FAM118B: variants seen among roughly 807,000 people sequenced by gnomAD.
FAM118B encodes the protein protein FAM118B.
A neutral mutation model predicts 38.5 loss-of-function variants in FAM118B; 24 were observed. The observed-to-expected ratio is 0.62, with a 90% CI of 0.45 to 0.88. FAM118B has a LOEUF of 0.88. Among genes scored for constraint, FAM118B ranks in the 40% least tolerant of loss-of-function variants. The pLI, the probability that FAM118B is intolerant of heterozygous loss-of-function variation, is 0.00. For missense variants in FAM118B, 334 were observed against 420.0 expected (o/e 0.80, Z 1.79); for synonymous variants, 138 against 156.3 (o/e 0.88, Z 0.87).
In FAM118B at chr11:126,262,425, A is replaced by C; in HGVS notation, c.*292A>C. On this transcript the variant is annotated 3_prime_UTR_variant, in exon 9 of 9. Transcript: ENST00000533050. ...ATGCTTGTGTCCACACAGCACACCA[A>C]TGTGATACTTCCACTGACCGGCTGC... The C allele has an allele frequency of 2.4e-6, 1 of 424,486 alleles. No homozygotes were observed. 26.3% of individuals were successfully genotyped at this position (424,486 alleles called of 1,614,324 possible).
At position 126,235,012 on chromosome 11, in the gene FAM118B, C is replaced by T; in HGVS notation, c.11C>T (p.Thr4Ile). MASTGSQASDIDEI... is the reference protein window; with the variant it reads MASIGSQASDIDEI... The stretch of plus-strand genomic sequence containing the variant: ...TATTTTAGAAACTGGATGGCTTCTA[C>T]AGGGAGCCAGGCCTCTGATATAGAC... Residue 4 changes from threonine to isoleucine, a missense_variant, in exon 3 of 9, where the codon ACA becomes ATA. This residue lies in a region of FAM118B where 240 missense variants were observed against 295.9 expected (regional missense o/e 0.81). Coordinates refer to ENST00000533050, the MANE Select transcript of FAM118B (RefSeq NM_024556.4). The T allele has an allele frequency of 6.2e-7, 1 of 1,613,812 alleles. No individual in the cohort carries two copies. The highest frequency in any genetic ancestry group is 8.5e-7 in the Non-Finnish European group (1 of 1,179,782).
intron 3 of FAM118B, among the ~76,000 whole-genome samples, chr11:126,240,008 G>A (rs1950334791): frequency 6.6e-6 from 1 of 152,066 alleles, no homozygotes; most frequent in South Asian, 2.1e-4. Context: ...TTTCAGGGGA[G>A]GGGAACATGC....
chr11:126,249,076 T>G (rs1043246082), intron 4 of FAM118B, among the ~76,000 whole-genome samples: 20 of 152,180 alleles, frequency 1.3e-4, no homozygotes, highest in Non-Finnish European at 1.5e-5. Context: ...GTAAGCCGTA[T>G]GTTAAGAAGT....
Position 126,252,189 on chromosome 11 carries a change from G to A in FAM118B, c.567+1456G>A, listed in dbSNP as rs865967084. Among the ~76,000 whole-genome samples, 5 of 151,900 alleles carry A rather than the reference G, an allele frequency of 3.3e-5. No individual in the cohort carries two copies. Among genetic ancestry groups the A allele is most frequent in the Admixed American group, 6.6e-5 (1 of 15,238 alleles). ...TTCAGTAGAGACAGGGTTTCACCAT[G>A]TTGGCCAGGCTGGTCTCGAACTCCT... On this transcript the variant is annotated intron_variant, in intron 5 of 8. Coordinates refer to ENST00000533050, the MANE Select transcript of FAM118B (RefSeq NM_024556.4). This position sits in a 1 kb window ranked among gnomAD's most constrained non-coding sequence, Gnocchi z 4.7.
intron 2 of FAM118B, among the ~76,000 whole-genome samples, chr11:126,232,262 A>G (rs1950215712): frequency 1.3e-5 from 2 of 152,136 alleles, no homozygotes; most frequent in African/African-American, 4.8e-5. Context: ...CTGTTTAGCA[A>G]TAGTGTAGTT....
chr11:126,254,347 C>G lies in FAM118B; in HGVS notation c.610C>G (p.His204Asp), dbSNP rs1387587665. 1 of 1,613,966 alleles carries G rather than the reference C, an allele frequency of 6.2e-7. No individual in the cohort carries two copies. The highest frequency in any genetic ancestry group is 1.7e-5 in the Admixed American group (1 of 60,014). The change falls in exon 6 of 9, where the codon CAT (histidine) becomes GAT (aspartate). Residue 204 changes from histidine to aspartate, a missense_variant. This residue lies in a region of FAM118B where 240 missense variants were observed against 295.9 expected (regional missense o/e 0.81). Coordinates refer to ENST00000533050, the MANE Select transcript of FAM118B (RefSeq NM_024556.4). ...GGAGAAGCGTAAGCTGAGCGTGTTGCATATTCACGGAGTCTACACCAACCC... is the reference window on the plus strand; with the variant it reads ...GGAGAAGCGTAAGCTGAGCGTGTTGGATATTCACGGAGTCTACACCAACCC... ...AQEKRKLSVLHIHGVYTNPSG... is the reference protein window; with the variant it reads ...AQEKRKLSVLDIHGVYTNPSG...
intron 2 of FAM118B, among the ~76,000 whole-genome samples, chr11:126,233,928 A>T (rs1406885616): frequency 6.6e-6 from 1 of 152,142 alleles, no homozygotes; most frequent in Non-Finnish European, 1.5e-5. Flanking sequence ...CAAACAGTAC[A>T]AAATTCCACC....
chr11:126,238,821 C>CTG (rs1432523653), intron 3 of FAM118B, among the ~76,000 whole-genome samples: 1 of 151,888 alleles, frequency 6.6e-6, no homozygotes, highest in East Asian at 1.9e-4. Flanking sequence ...ATGTTGTTGC[C>CTG]CTTTGACCTC....
intron 1 of FAM118B, among the ~76,000 whole-genome samples, chr11:126,221,234 G>A (rs1591502292): frequency 6.6e-6 from 1 of 152,182 alleles, no homozygotes; most frequent in Non-Finnish European, 1.5e-5. Flanking sequence ...AGGAAAAAGA[G>A]AATATCCTGA....
In FAM118B at chr11:126,252,907, CG is replaced by C. The variant is rs1950525227; in HGVS notation, c.568-1397del. On this transcript the variant is annotated intron_variant, in intron 5 of 8. Coordinates refer to ENST00000533050, the MANE Select transcript of FAM118B (RefSeq NM_024556.4). The surrounding 1 kb of genome is among the most constrained non-coding windows in gnomAD (Gnocchi z 4.7). ...AAAACTAGCTGGGAGTGGTGGTGCA[CG>C]CCTGTAATCCCAGTTACTTGGGAGG... 6.6e-6 allele frequency among the ~76,000 whole-genome samples: 1 copy of C among 151,584 alleles called. No homozygotes were observed. The highest frequency in any genetic ancestry group is 2.4e-5 in the African/African-American group (1 of 41,236).
Position 126,240,481 on chromosome 11 carries a change from G to GCTATA in FAM118B, c.87-310_87-306dup, listed in dbSNP as rs139382668. ...AATTTAGTTGGCAGAAGTCAGCTGA[G>GCTATA]CTATAGTCTATTTGGATCTTTTCCT... On this transcript the variant is annotated intron_variant, in intron 3 of 8. Transcript: ENST00000533050. Among the ~76,000 whole-genome samples the GCTATA allele has an allele frequency of 7.1e-3, 1,078 of 152,198 alleles. 12 individuals carry two copies. Among genetic ancestry groups the GCTATA allele is most frequent in the African/African-American group, 0.023 (960 of 41,514 alleles).
At chr11:126,217,688 C>G (rs1949998600) in intron 1 of FAM118B, among the ~76,000 whole-genome samples, 1 of 152,220 alleles carries the variant, frequency 6.6e-6, no homozygotes, top group African/African-American at 2.4e-5. Context: ...TGGACCTGCC[C>G]TTTCCTGTGC....
intron 7 of FAM118B, among the ~76,000 whole-genome samples, chr11:126,260,016 GCTTT>G (rs1431341029): frequency 1.3e-5 from 2 of 152,158 alleles, no homozygotes; most frequent in South Asian, 4.1e-4. Flanking sequence ...CACTGTGCCA[GCTTT>G]ATTTTTATTT....
chr11:126,262,252 G>A lies in FAM118B; in HGVS notation c.*119G>A, dbSNP rs1950716280. On this transcript the variant is annotated 3_prime_UTR_variant, in exon 9 of 9. Coordinates refer to ENST00000533050, the MANE Select transcript of FAM118B (RefSeq NM_024556.4). ...TCCCAGAAAGTAACAATAGCCAGAG[G>A]TTGAAGGGCGGGGTAGAAGAGGGGG... 1 of 1,090,468 alleles carries A rather than the reference G, an allele frequency of 9.2e-7. No individual in the cohort carries two copies. The highest frequency in any genetic ancestry group is 2.0e-4 in the Middle Eastern group (1 of 4,928). 67.5% of individuals were successfully genotyped at this position (1,090,468 alleles called of 1,614,324 possible). A position where few individuals can be genotyped will look rare whatever the true frequency, so the allele number is the denominator to read the frequency against.
In FAM118B at chr11:126,250,793, G is replaced by T; in HGVS notation, c.567+60G>T. 7.4e-7 allele frequency: 1 copy of T among 1,346,586 alleles called. No individual in the cohort carries two copies. Among genetic ancestry groups the T allele is most frequent in the Non-Finnish European group, 1.0e-6 (1 of 971,120 alleles). 83.4% of individuals were successfully genotyped at this position (1,346,586 alleles called of 1,614,324 possible). Reference sequence around the variant, plus strand: ...AGTGGATTTTATCTTCCTCAGAAAAGCTCTTTTCTAGTTGGTATATTGGTA... The same window carrying T: ...AGTGGATTTTATCTTCCTCAGAAAATCTCTTTTCTAGTTGGTATATTGGTA... On this transcript the variant is annotated intron_variant, in intron 5 of 8. Coordinates refer to ENST00000533050, the MANE Select transcript of FAM118B (RefSeq NM_024556.4). The surrounding 1 kb of genome is among the most constrained non-coding windows in gnomAD (Gnocchi z 5.1).
intron 2 of FAM118B, among the ~76,000 whole-genome samples, chr11:126,234,293 C>A (rs572974733): frequency 6.6e-6 from 1 of 152,306 alleles, no homozygotes; most frequent in South Asian, 2.1e-4. Context: ...AGTTTGAGCA[C>A]TTAGAACTTT....
intron 2 of FAM118B, among the ~76,000 whole-genome samples, chr11:126,232,693 T>A (rs1384580778): frequency 1.3e-5 from 2 of 151,622 alleles, no homozygotes; most frequent in Admixed American, 6.6e-5. Context: ...TTTTTAAAGT[T>A]TTTTTAAAAC....
intron 1 of FAM118B, among the ~76,000 whole-genome samples, chr11:126,213,550 C>T (rs1949921931): frequency 6.6e-6 from 1 of 152,242 alleles, no homozygotes; most frequent in Non-Finnish European, 1.5e-5. Context: ...TACTTAGATA[C>T]TTGAAGCTCA....
At chr11:126,218,912 A>G (rs1029615093) in intron 1 of FAM118B, among the ~76,000 whole-genome samples, 2 of 152,216 alleles carry the variant, frequency 1.3e-5, no homozygotes, top group Non-Finnish European at 1.5e-5. Context: ...CTGCTGATGT[A>G]TTTTACTCCA....
Sources: gnomAD v4.1 joint callset for allele counts (sites outside exome capture counted in the v4.1 genomes callset) on GRCh38, gnomAD v4.1.1 for gene constraint, gnomAD v4.1.1 regional missense constraint, Gnocchi (gnomAD v3.1) non-coding constraint, MANE v1.5 for transcripts, NCBI Gene and HGNC (gene_info 2026-07-23, HGNC 2026-07-21) for gene names.